Variants in ABCC5 observed in about 807,000 individuals in gnomAD.
ABCC5 encodes the protein ATP-binding cassette sub-family C member 5.
Under a neutral mutation model 160.9 loss-of-function variants are expected in ABCC5, and 61 were observed. The observed-to-expected ratio is 0.38, with a 90% confidence interval of 0.31 to 0.47. The LOEUF is 0.47. ABCC5 is among the 20% of genes least tolerant of loss of function. The pLI, the probability that ABCC5 is intolerant of heterozygous loss-of-function variation, is 0.99. For synonymous variants in ABCC5, 666 were observed against 700.6 expected (o/e 0.95, Z 0.78); for missense variants, 1,308 against 1,813.3 (o/e 0.72, Z 5.06).
At chr3:184,003,164 G>GA (rs1186236315) in intron 2 of ABCC5, among the ~76,000 whole-genome samples, 4 of 151,978 alleles carry the variant, frequency 2.6e-5, no homozygotes, top group Non-Finnish European at 4.4e-5. Flanking sequence ...CTTTTAAGGG[G>GA]AACTGTTGTG....
intron 2 of ABCC5, among the ~76,000 whole-genome samples, chr3:184,003,697 A>G (rs938784525): frequency 1.3e-5 from 2 of 152,336 alleles, no homozygotes; most frequent in East Asian, 3.9e-4. Flanking sequence ...CCACCACCAC[A>G]GTAAAACAGG....
intron 20 of ABCC5, 75 bp from the exon 21 acceptor site, chr3:183,950,200 G>C (rs1715214465): frequency 6.8e-7 from 1 of 1,476,090 alleles, no homozygotes; most frequent in Non-Finnish European, 9.1e-7. Flanking sequence ...AAACAAAAAG[G>C]GGTTCCACAA....
At chr3:183,952,278 G>A (rs1158870144) in intron 18 of ABCC5, among the ~76,000 whole-genome samples, 1 of 151,466 alleles carries the variant, frequency 6.6e-6, no homozygotes, top group Non-Finnish European at 1.5e-5. Flanking sequence ...TCCCAAGTAC[G>A]TGGGATTACA....
chr3:183,959,743 C>G lies in ABCC5; in HGVS notation c.2472G>C (p.Lys824Asn). 3 of 1,610,002 alleles carry G rather than the reference C, an allele frequency of 1.9e-6. No homozygotes were observed. Among genetic ancestry groups the G allele is most frequent in the African/African-American group, 2.7e-5 (2 of 74,812 alleles). Residue 824 changes from lysine (K) to asparagine (N), a missense_variant, in exon 17 of 30, where the codon AAG becomes AAC. Around this residue, in one of 3 missense-constraint regions of ABCC5, gnomAD observed 1,142 missense variants for 1,527.1 expected, o/e 0.75. Coordinates refer to ENST00000334444, the MANE Select transcript of ABCC5 (RefSeq NM_005688.4). ...TGSVKKEKAV[K>N]PEEGQLVQLE... ...AAAAAAGGCCATTACCTTCCTCTGG[C>G]TTTACTGCTTTTTCCTTCTTTACTG...
chr3:184,016,169 C>T (rs867920420), intron 1 of ABCC5, among the ~76,000 whole-genome samples: 1 of 152,130 alleles, frequency 6.6e-6, no homozygotes, highest in Non-Finnish European at 1.5e-5. Context: ...AGGGACAAAA[C>T]GACTTCCCTG....
intron 17 of ABCC5, among the ~76,000 whole-genome samples, chr3:183,953,672 G>T (rs2108800616): frequency 6.6e-6 from 1 of 152,308 alleles, no homozygotes; most frequent in South Asian, 2.1e-4. Flanking sequence ...TGGGGTGGTT[G>T]GCAGGCATGT....
intron 12 of ABCC5, 84 bp from the exon 13 acceptor site, chr3:183,965,585 A>G (rs1717144436): frequency 6.4e-7 from 1 of 1,554,576 alleles, no homozygotes; most frequent in South Asian, 1.2e-5. Context: ...CCACAATGGA[A>G]TCTAGCTCTG....
At chr3:183,973,140 C>T (rs946818794) in intron 10 of ABCC5, among the ~76,000 whole-genome samples, 2 of 150,604 alleles carry the variant, frequency 1.3e-5, no homozygotes, top group Admixed American at 6.6e-5. Context: ...TTGCAAGCTC[C>T]GCCTCCTGAG....
intron 10 of ABCC5, among the ~76,000 whole-genome samples, chr3:183,973,975 G>A (rs929336527): frequency 1.8e-4 from 28 of 152,140 alleles, no homozygotes; most frequent in African/African-American, 6.7e-4. Flanking sequence ...CCTACTCCCC[G>A]CAGCCTTACC....
chr3:184,000,985 G>T (rs1720699815), intron 2 of ABCC5: 2 of 390,046 alleles, frequency 5.1e-6, no homozygotes, highest in Non-Finnish European at 4.5e-6. Flanking sequence ...GTGTACAGTG[G>T]CTTATGCCTG....
chr3:184,001,886 C>T (rs921059644), intron 2 of ABCC5, among the ~76,000 whole-genome samples: 4 of 152,156 alleles, frequency 2.6e-5, no homozygotes, highest in Non-Finnish European at 5.9e-5. Flanking sequence ...AGTGGCCAGA[C>T]GACCCAGCCA....
intron 2 of ABCC5, among the ~76,000 whole-genome samples, chr3:184,002,192 G>A (rs550928875): frequency 1.3e-5 from 2 of 152,216 alleles, no homozygotes; most frequent in South Asian, 4.1e-4. Context: ...AAGGTTGGGA[G>A]TTCGAGACCA....
intron 2 of ABCC5, among the ~76,000 whole-genome samples, chr3:184,003,982 G>A (rs1389673712): frequency 6.6e-6 from 1 of 152,126 alleles, no homozygotes. Context: ...TCCCAGCACT[G>A]CCTACCTACT....
chr3:184,013,022 C>T (rs1475192543), intron 2 of ABCC5, among the ~76,000 whole-genome samples: 1 of 152,164 alleles, frequency 6.6e-6, no homozygotes, highest in Non-Finnish European at 1.5e-5. Flanking sequence ...TAAACCTAGT[C>T]CATTCTGCCT....
In ABCC5 at chr3:183,924,259, A is replaced by C. The variant is rs1330367070; in HGVS notation, c.4212+1296T>G. Reference sequence around the variant, plus strand: ...GCTCTTGAACGCCTGAGCTCAGGCAATCTGCCCGCCTCGGCCTCCCAAACT... The same window carrying C: ...GCTCTTGAACGCCTGAGCTCAGGCACTCTGCCCGCCTCGGCCTCCCAAACT... On this transcript the variant is annotated intron_variant, in intron 29 of 29. Transcript: ENST00000334444. Among the ~76,000 whole-genome samples the C allele has an allele frequency of 2.0e-5, 3 of 152,068 alleles. No homozygotes were observed. The East Asian group carries it at 5.8e-4, about 29-fold the overall frequency.
chr3:183,993,477 C>CTGG (rs1372854620), intron 2 of ABCC5, among the ~76,000 whole-genome samples: 42 of 106,634 alleles, frequency 3.9e-4, no homozygotes, highest in Admixed American at 1.0e-3. Flanking sequence ...GAGCAAGACC[C>CTGG]TGTCTCAAAA....
Position 183,961,551 on chromosome 3 carries a change from A to G in ABCC5, c.2339T>C (p.Ile780Thr). 3 of 1,614,248 alleles carry G rather than the reference A, an allele frequency of 1.9e-6. No homozygotes were observed. The highest frequency in any genetic ancestry group is 2.5e-6 in the Non-Finnish European group (3 of 1,180,046). ...CTCTCCCAGCAACAGGTTATTAAAA[A>G]TGGTAGCATAGTCACCATTTAAATT... ...LMNLNGDYAT[I>T]FNNLLLGETP... Residue 780 changes from isoleucine to threonine, a missense_variant, in exon 16 of 30, where the codon ATT becomes ACT. Ile to Thr is a moderately conservative substitution (Grantham distance 89, BLOSUM62 -1). This residue lies in a region of ABCC5 where 1,142 missense variants were observed against 1,527.1 expected (regional missense o/e 0.75). Coordinates refer to ENST00000334444, the MANE Select transcript of ABCC5 (RefSeq NM_005688.4).
In ABCC5 at chr3:184,017,658, A is replaced by G. The variant is rs1722304578; in HGVS notation, c.-56+172T>C. 6.6e-6 allele frequency among the ~76,000 whole-genome samples: 1 copy of G among 152,128 alleles called. No homozygotes were observed. The highest frequency in any genetic ancestry group is 2.1e-4 in the South Asian group (1 of 4,828). The stretch of plus-strand genomic sequence containing the variant: ...CAGACCCCGGGCTCACAGGCCTAGG[A>G]GGCGGCGGCAGGAGACCAGGGGGAG... On this transcript the variant is annotated intron_variant, in intron 1 of 29. Transcript: ENST00000334444. The surrounding 1 kb of genome is among the most constrained non-coding windows in gnomAD (Gnocchi z 4.5).
chr3:183,942,294 A>C, intron 25 of ABCC5: 1 of 436,054 alleles, frequency 2.3e-6, no homozygotes, highest in Non-Finnish European at 4.6e-6. Flanking sequence ...TCGCCCTCCC[A>C]AAGTGCTGGG....
Sources: allele counts gnomAD v4.1 joint callset (sites outside exome capture counted in the v4.1 genomes callset), GRCh38; gene constraint gnomAD v4.1.1; regional missense constraint gnomAD v4.1.1; non-coding constraint Gnocchi (gnomAD v3.1); transcripts MANE v1.5; gene names NCBI Gene and HGNC (gene_info 2026-07-23, HGNC 2026-07-21).